Variants in KAT6B observed in about 807,000 individuals in gnomAD.
KAT6B encodes the protein lysine acetyltransferase 6B.
KAT6B carries 10 observed loss-of-function variants against 187.5 expected under a neutral mutation model. That is an observed-to-expected ratio of 0.05 (90% confidence interval 0.03 to 0.09). The LOEUF is 0.09. Among genes scored for constraint, KAT6B ranks in the 10% least tolerant of loss-of-function variants. The pLI, the probability that KAT6B is intolerant of heterozygous loss-of-function variation, is 1.00. For synonymous variants in KAT6B, 861 were observed against 926.8 expected, an observed-to-expected ratio of 0.93 and a Z score of 1.29; for missense variants, 1,952 against 2,558.9, an observed-to-expected ratio of 0.76 and a Z score of 5.12.
chr10:75,015,307 C>T (rs1322201801), intron 13 of KAT6B, among the ~76,000 whole-genome samples: 1 of 152,122 alleles, frequency 6.6e-6, no homozygotes, highest in Non-Finnish European at 1.5e-5. Flanking sequence ...GCCAAGGAGG[C>T]ACCTGTATCT....
At chr10:74,903,366 C>T (rs1327721701) in intron 3 of KAT6B, among the ~76,000 whole-genome samples, 1 of 152,218 alleles carries the variant, frequency 6.6e-6, no homozygotes, top group African/African-American at 2.4e-5. Context: ...GATCTAATCA[C>T]ACAAGCCCCT....
intron 3 of KAT6B, among the ~76,000 whole-genome samples, chr10:74,939,391 GT>G (rs1282571402): frequency 6.6e-6 from 1 of 151,910 alleles, no homozygotes; most frequent in Non-Finnish European, 1.5e-5. Flanking sequence ...CTTGGAGTCT[GT>G]TTTTTTGTTG....
chr10:74,982,118 T>C (rs962108390), intron 11 of KAT6B, 190 bp downstream of exon 11: 5 of 575,798 alleles, frequency 8.7e-6, no homozygotes, highest in African/African-American at 3.8e-5. Flanking sequence ...TTTAGACTGA[T>C]GAAGAATCCC....
chr10:74,836,220 A>G (rs1389777438), intron 1 of KAT6B, among the ~76,000 whole-genome samples: 1 of 152,140 alleles, frequency 6.6e-6, no homozygotes, highest in Non-Finnish European at 1.5e-5. Context: ...TCATCTGTTG[A>G]TGGACATTTG....
chr10:74,840,776 C>T (rs1841688864), intron 2 of KAT6B, among the ~76,000 whole-genome samples: 1 of 152,076 alleles, frequency 6.6e-6, no homozygotes, highest in African/African-American at 2.4e-5. Context: ...TTTAAATTGC[C>T]TCCTTTAAGG....
At chr10:74,841,067 A>T (rs909650810) in intron 2 of KAT6B, among the ~76,000 whole-genome samples, 13 of 152,348 alleles carry the variant, frequency 8.5e-5, no homozygotes, top group Admixed American at 7.8e-4. Flanking sequence ...TGAATATTAG[A>T]TAATGTGTTT....
chr10:74,981,576 G>C (rs566247561), intron 10 of KAT6B, among the ~76,000 whole-genome samples: 1 of 152,248 alleles, frequency 6.6e-6, no homozygotes, highest in African/African-American at 2.4e-5. Flanking sequence ...GTTTCACCAT[G>C]TTGGCCAGGC....
intron 13 of KAT6B, among the ~76,000 whole-genome samples, chr10:75,016,682 A>G (rs1844991694): frequency 6.6e-6 from 1 of 152,164 alleles, no homozygotes; most frequent in Non-Finnish European, 1.5e-5. Context: ...TCCTCCAAAC[A>G]TCACTTTGTT....
At chr10:74,829,835 G>A (rs1277638385) in intron 1 of KAT6B, among the ~76,000 whole-genome samples, 1 of 151,438 alleles carries the variant, frequency 6.6e-6, no homozygotes, top group Non-Finnish European at 1.5e-5. Context: ...TGGCCAACAT[G>A]GTGAAACCCC....
intron 3 of KAT6B, among the ~76,000 whole-genome samples, chr10:74,941,021 T>A (rs1319651188): frequency 6.6e-6 from 1 of 152,186 alleles, no homozygotes; most frequent in Admixed American, 6.5e-5. Context: ...TGGGTGAGAC[T>A]TAGGCATGTG....
At chr10:74,939,050 AACACAC>A (rs112617639) in intron 3 of KAT6B, among the ~76,000 whole-genome samples, 39 of 145,774 alleles carry the variant, frequency 2.7e-4, no homozygotes, top group African/African-American at 7.5e-4. Context: ...TTATTTTCTT[AACACAC>A]ACACACACAC....
At position 75,004,067 on chromosome 10, in the gene KAT6B, T is replaced by TA. The variant is rs1012070031; in HGVS notation, c.2629+14956dup. The stretch of plus-strand genomic sequence containing the variant: ...ATGCAGGTGGTTGGTTTTTTTTTTT[T>TA]ACCAAACAAATTTTTTGTCTGTTTG... On this transcript the variant is annotated intron_variant, in intron 13 of 17. Coordinates refer to ENST00000287239, the MANE Select transcript of KAT6B (RefSeq NM_012330.4). 3.5e-4 allele frequency among the ~76,000 whole-genome samples: 54 copies of TA among 152,210 alleles called. No homozygotes were observed. In the Middle Eastern group the frequency reaches 0.01, roughly 29 times the overall value.
Position 74,843,440 on chromosome 10 carries a change from C to T in KAT6B, c.583C>T (p.Leu195Phe). The T allele has an allele frequency of 6.2e-7, 1 of 1,613,970 alleles. No individual in the cohort carries two copies. The highest frequency in any genetic ancestry group is 8.5e-7 in the Non-Finnish European group (1 of 1,180,034). Reference sequence around the variant, plus strand: ...GTATCCCAGTGCATTCCCATCCTCGCTCCCACCTGTCAGCCTTCTACCCCA... The same window carrying T: ...GTATCCCAGTGCATTCCCATCCTCGTTCCCACCTGTCAGCCTTCTACCCCA... ...PQYPSAFPSS[L>F]PPVSLLPHEK... The change falls in exon 3 of 18, where the codon CTC (leucine) becomes TTC (phenylalanine). Residue 195 changes from leucine to phenylalanine, a missense_variant. This residue lies in a region of KAT6B where 218 missense variants were observed against 282.6 expected (regional missense o/e 0.77). Coordinates refer to ENST00000287239, the MANE Select transcript of KAT6B (RefSeq NM_012330.4).
At position 75,029,108 on chromosome 10, in the gene KAT6B, C is replaced by T. The variant is rs767258202; in HGVS notation, c.4284C>T (p.Asp1428=). 3.7e-5 allele frequency: 59 copies of T among 1,613,992 alleles called. No individual in the cohort carries two copies. Among genetic ancestry groups the T allele is most frequent in the African/African-American group, 5.3e-5 (4 of 74,894 alleles). The change falls in exon 18 of 18, where the codon GAC becomes GAT. Residue 1428 remains aspartate, a synonymous_variant. Coordinates refer to ENST00000287239, the MANE Select transcript of KAT6B (RefSeq NM_012330.4). The surrounding 1 kb of genome is among the most constrained non-coding windows in gnomAD (Gnocchi z 6.2). Reference sequence around the variant, plus strand: ...ACAACGAGGACCATGATGCCGATGACGAGGATGACAGCCACATGGAGTCTG... The same window carrying T: ...ACAACGAGGACCATGATGCCGATGATGAGGATGACAGCCACATGGAGTCTG... ...PSHNEDHDAD[D]EDDSHMESAE... is the part of the protein sequence containing the mutation.
chr10:74,878,659 G>T (rs1844616828), intron 3 of KAT6B, among the ~76,000 whole-genome samples: 1 of 151,760 alleles, frequency 6.6e-6, no homozygotes, highest in Non-Finnish European at 1.5e-5. Context: ...TTTGGCTGGG[G>T]AAGGCTTTGC....
chr10:74,847,371 A>G (rs866796532), intron 3 of KAT6B, among the ~76,000 whole-genome samples: 1 of 152,184 alleles, frequency 6.6e-6, no homozygotes. Flanking sequence ...ATGAAATAGC[A>G]TTTTTTTCCA....
In KAT6B at chr10:75,020,745, G is replaced by A. The variant is rs140113295; in HGVS notation, c.2793G>A (p.Thr931=). 4.9e-5 allele frequency: 79 copies of A among 1,614,012 alleles called. No homozygotes were observed. The highest frequency in any genetic ancestry group is 6.4e-5 in the Non-Finnish European group (75 of 1,180,034). Reference sequence around the variant, plus strand: ...GCATCAAGGCAATTAGCAGAGCGACGGGCATGTGCCCACATGACATTGCCA... The same window carrying A: ...GCATCAAGGCAATTAGCAGAGCGACAGGCATGTGCCCACATGACATTGCCA... The part of the protein sequence containing the change: ...HISIKAISRA[T]GMCPHDIATT... Residue 931 remains threonine (T), a synonymous_variant, in exon 14 of 18, where the codon ACG becomes ACA. Transcript: ENST00000287239.
intron 1 of KAT6B, among the ~76,000 whole-genome samples, chr10:74,830,518 T>C (rs543816812): frequency 6.6e-6 from 1 of 151,850 alleles, no homozygotes; most frequent in East Asian, 1.9e-4. Context: ...GATGATGAAT[T>C]GTATGGTCAC....
chr10:74,999,390 G>A (rs148736465), intron 13 of KAT6B, among the ~76,000 whole-genome samples: 2 of 152,322 alleles, frequency 1.3e-5, no homozygotes, highest in Admixed American at 6.5e-5. Flanking sequence ...GTGGACATGC[G>A]GTGGTAGCTG....
Sources: allele counts gnomAD v4.1 joint callset (sites outside exome capture counted in the v4.1 genomes callset), GRCh38; gene constraint gnomAD v4.1.1; regional missense constraint gnomAD v4.1.1; non-coding constraint Gnocchi (gnomAD v3.1); transcripts MANE v1.5; gene names NCBI Gene and HGNC (gene_info 2026-07-23, HGNC 2026-07-21).